The following TRPC4 variants were observed in gnomAD, a reference collection of about 807,000 sequenced individuals.
The protein encoded by TRPC4 is short transient receptor potential channel 4.
Under a neutral mutation model 99.4 loss-of-function variants are expected in TRPC4, and 49 were observed. The ratio of observed to expected loss-of-function variants is 0.49; its 90% CI spans 0.39 to 0.63. The LOEUF is 0.63. TRPC4 is among the 20% of genes least tolerant of loss of function. The pLI is 0.00. For missense variants in TRPC4, 898 were observed against 1,152.9 expected (o/e 0.78, Z 3.20); for synonymous variants, 454 against 425.9 (o/e 1.07, Z -0.81).
intron 5 of TRPC4, among the ~76,000 whole-genome samples, chr13:37,671,794 T>C (rs1423814847): frequency 6.6e-6 from 1 of 152,180 alleles, no homozygotes; most frequent in Non-Finnish European, 1.5e-5. Context: ...CCACAGTGCA[T>C]GCCAATGAAT....
At chr13:37,774,685 T>C (rs1956650956) in intron 2 of TRPC4, among the ~76,000 whole-genome samples, 2 of 151,676 alleles carry the variant, frequency 1.3e-5, no homozygotes, top group African/African-American at 4.8e-5. Flanking sequence ...TCCCAGTGTG[T>C]GTCGTTCTAC....
rs1274129240 is a variant in TRPC4 at position 37,632,979 on chromosome 13, G to C, written c.*3924C>G. ...ATGTGATGCCTCATCCAAATATCTA[G>C]ATGAGGAGGTTTTTGTTTAAGCCCC... On this transcript the variant is annotated 3_prime_UTR_variant, in exon 11 of 11. Transcript: ENST00000379705. Among the ~76,000 whole-genome samples the C allele has an allele frequency of 6.6e-6, 1 of 152,144 alleles. No individual in the cohort carries two copies. The highest frequency in any genetic ancestry group is 1.5e-5 in the Non-Finnish European group (1 of 68,020).
chr13:37,846,652 A>AT (rs1368633424), intron 1 of TRPC4, among the ~76,000 whole-genome samples: 1 of 151,644 alleles, frequency 6.6e-6, no homozygotes. Flanking sequence ...AGGAAGAAAA[A>AT]AAAACATATA....
At chr13:37,760,663 G>C (rs905712524) in intron 2 of TRPC4, among the ~76,000 whole-genome samples, 2 of 151,904 alleles carry the variant, frequency 1.3e-5, no homozygotes, top group African/African-American at 4.8e-5. Context: ...AGCTTTGAAT[G>C]CAGCCCAACA....
At chr13:37,762,843 T>G (rs1956261284) in intron 2 of TRPC4, among the ~76,000 whole-genome samples, 1 of 150,834 alleles carries the variant, frequency 6.6e-6, no homozygotes, top group Admixed American at 6.6e-5. Flanking sequence ...ATTGTGCACA[T>G]GTACCCTAAA....
chr13:37,803,112 G>A (rs141163733), intron 1 of TRPC4, among the ~76,000 whole-genome samples: 1 of 151,842 alleles, frequency 6.6e-6, no homozygotes, highest in African/African-American at 2.4e-5. Flanking sequence ...AGCTTTTTCA[G>A]GTTGGCACGA....
At chr13:37,784,547 TATTGAAATTGAACTCAC>T (rs1391158674) in intron 1 of TRPC4, among the ~76,000 whole-genome samples, 1 of 152,056 alleles carries the variant, frequency 6.6e-6, no homozygotes, top group Non-Finnish European at 1.5e-5. Flanking sequence ...TTTTCTATGT[TATTGAAATTGAACTCAC>T]ATATTTATTT....
intron 8 of TRPC4, among the ~76,000 whole-genome samples, chr13:37,650,447 CG>C (rs1426603977): frequency 1.3e-5 from 2 of 152,082 alleles, no homozygotes; most frequent in Non-Finnish European, 2.9e-5. Context: ...AAAAGCTTCA[CG>C]TGGTGTATCT....
chr13:37,808,589 C>T (rs1004192693), intron 1 of TRPC4, among the ~76,000 whole-genome samples: 4 of 151,962 alleles, frequency 2.6e-5, no homozygotes, highest in Non-Finnish European at 5.9e-5. Context: ...ACAGGAACTC[C>T]ATCCAAAGCT....
At chr13:37,750,117 T>C (rs573685272) in intron 2 of TRPC4, among the ~76,000 whole-genome samples, 2 of 142,554 alleles carry the variant, frequency 1.4e-5, no homozygotes, top group South Asian at 4.8e-4. Flanking sequence ...TCTAGCTTTC[T>C]TTGTTCAACT....
At chr13:37,685,494 T>C (rs1953437129) in intron 4 of TRPC4, among the ~76,000 whole-genome samples, 1 of 152,170 alleles carries the variant, frequency 6.6e-6, no homozygotes, top group African/African-American at 2.4e-5. Context: ...AACAAAAGAA[T>C]GCATTTAAAT....
At position 37,637,311 on chromosome 13, in the gene TRPC4, G is replaced by T. The variant is rs762999927; in HGVS notation, c.2526C>A (p.Ile842=). 5.0e-6 allele frequency: 8 copies of T among 1,613,662 alleles called. No individual in the cohort carries two copies. Among genetic ancestry groups the T allele is most frequent in the Middle Eastern group, 1.6e-4 (1 of 6,084 alleles). The change falls in exon 11 of 11, where the codon ATC becomes ATA. Residue 842 remains isoleucine, a synonymous_variant. Transcript: ENST00000379705. ...GTCTATGAAATAACCCAAAGTTTTT[G>T]ATATCGGTCACAAAATTCACTTTTC... ...KQRKVNFVTD[I]KNFGLFHRRS... is the part of the protein sequence containing the mutation.
At chr13:37,792,919 T>C (rs1311959368) in intron 1 of TRPC4, among the ~76,000 whole-genome samples, 1 of 152,072 alleles carries the variant, frequency 6.6e-6, no homozygotes, top group African/African-American at 2.4e-5. Flanking sequence ...GCTTAGGCAT[T>C]GCCGTTGTTT....
chr13:37,783,487 T>C, intron 1 of TRPC4, 127 bp from the exon 2 acceptor site: 2 of 658,258 alleles, frequency 3.0e-6, no homozygotes, highest in Non-Finnish European at 4.4e-6. Flanking sequence ...TATTAAGAGT[T>C]AAGGTTTTTT....
intron 1 of TRPC4, among the ~76,000 whole-genome samples, chr13:37,800,265 T>C (rs963814193): frequency 7.9e-5 from 12 of 152,118 alleles, no homozygotes; most frequent in Non-Finnish European, 1.6e-4. Context: ...ATTCACATGA[T>C]TAATCATGGT....
At chr13:37,866,634 TGATTAAAAAGACACAGCCATG>T (rs1438309677) in intron 1 of TRPC4, among the ~76,000 whole-genome samples, 1 of 151,850 alleles carries the variant, frequency 6.6e-6, no homozygotes, top group Non-Finnish European at 1.5e-5. Flanking sequence ...ATATTTGTGC[TGATTAAAAAGACACAGCCATG>T]ATATTATATC....
At chr13:37,659,199 G>T (rs1952348740) in intron 6 of TRPC4, among the ~76,000 whole-genome samples, 1 of 151,948 alleles carries the variant, frequency 6.6e-6, no homozygotes, top group African/African-American at 2.4e-5. Flanking sequence ...TGGATTGTGG[G>T]TTGCTCACAA....
chr13:37,762,365 G>A (rs2139245038), intron 2 of TRPC4, among the ~76,000 whole-genome samples: 2 of 151,764 alleles, frequency 1.3e-5, no homozygotes, highest in African/African-American at 4.8e-5. Context: ...TCCCGTTACT[G>A]GTTATATACC....
At chr13:37,728,358 T>A (rs139074746) in intron 3 of TRPC4, among the ~76,000 whole-genome samples, 1 of 151,948 alleles carries the variant, frequency 6.6e-6, no homozygotes, top group Non-Finnish European at 1.5e-5. Context: ...CAAAGTCAAC[T>A]CACAAAAATA....
Sources: gnomAD v4.1 joint callset for allele counts (sites outside exome capture counted in the v4.1 genomes callset) on GRCh38, gnomAD v4.1.1 for gene constraint, MANE v1.5 for transcripts, NCBI Gene and HGNC (gene_info 2026-07-23, HGNC 2026-07-21) for gene names.